DZIP1: variants seen among roughly 807,000 people sequenced by gnomAD.
The protein encoded by DZIP1 is cilium assembly protein DZIP1.
In DZIP1, 97 loss-of-function variants were observed where a neutral mutation model predicts 107.6. That is an observed-to-expected ratio of 0.90 (90% confidence interval 0.77 to 1.07). The LOEUF (loss-of-function observed/expected upper bound fraction) is 1.07. DZIP1 is among the 50% of genes least tolerant of loss of function. DZIP1 has a pLI of 0.00. For missense variants in DZIP1, 1,035 were observed against 1,063.6 expected (o/e 0.97, Z 0.37); for synonymous variants, 390 against 386.4 (o/e 1.01, Z -0.11).
At chr13:95,609,078 C>G (rs2044889070) in intron 13 of DZIP1, among the ~76,000 whole-genome samples, 1 of 152,226 alleles carries the variant, frequency 6.6e-6, no homozygotes, top group South Asian at 2.1e-4. Flanking sequence ...GGCCACCTGT[C>G]AAAGCCTGCA....
chr13:95,591,759 A>G (rs2044318684), intron 16 of DZIP1, among the ~76,000 whole-genome samples: 2 of 152,234 alleles, frequency 1.3e-5, no homozygotes, highest in Admixed American at 1.3e-4. Context: ...AATACTGTAC[A>G]AATGTCAATC....
At chr13:95,583,040 C>T (rs1360617207) in intron 22 of DZIP1, among the ~76,000 whole-genome samples, 6 of 151,998 alleles carry the variant, frequency 3.9e-5, no homozygotes, top group Admixed American at 6.6e-5. Context: ...GAAAAGGTAG[C>T]GTGAAGGAGA....
At chr13:95,635,485 C>G (rs912868202) in intron 5 of DZIP1, among the ~76,000 whole-genome samples, 2 of 152,136 alleles carry the variant, frequency 1.3e-5, no homozygotes, top group Non-Finnish European at 2.9e-5. Context: ...GTGTAACCCA[C>G]GGTGCCCAGT....
intron 5 of DZIP1, among the ~76,000 whole-genome samples, chr13:95,636,458 G>A (rs1029407956): frequency 6.0e-5 from 9 of 150,204 alleles, no homozygotes; most frequent in Admixed American, 2.0e-4. Flanking sequence ...CCGGAGAATC[G>A]CTTGAACCTG....
intron 10 of DZIP1, among the ~76,000 whole-genome samples, chr13:95,616,485 T>C (rs1409148060): frequency 1.3e-5 from 2 of 152,124 alleles, no homozygotes; most frequent in East Asian, 1.9e-4. Context: ...GAGAGCTAAA[T>C]AGACAGAGCC....
Position 95,631,806 on chromosome 13 carries a change from A to G in DZIP1, c.685+1428T>C, listed in dbSNP as rs146200953. Among the ~76,000 whole-genome samples the G allele has an allele frequency of 4.4e-3, 671 of 152,078 alleles. 7 individuals carry two copies. The highest frequency in any genetic ancestry group is 0.016 in the African/African-American group (643 of 41,464). On this transcript the variant is annotated intron_variant, in intron 6 of 22. Transcript: ENST00000376829. ...TTCCCAATAAGTGTTATTGAAACCA[A>G]TGTCTGGATACAGTAGGACCACTCC...
At chr13:95,586,242 A>G in intron 20 of DZIP1, 106 bp from the exon 21 acceptor site, 1 of 889,206 alleles carries the variant, frequency 1.1e-6, no homozygotes, top group South Asian at 2.3e-5. Context: ...AAGCTTTGGA[A>G]GTAATTATGT....
At position 95,600,621 on chromosome 13, in the gene DZIP1, T is replaced by TAGAC. The variant is rs1440542990; in HGVS notation, c.1478-1198_1478-1197insGTCT. 2.1e-3 allele frequency among the ~76,000 whole-genome samples: 212 copies of TAGAC among 101,012 alleles called. 2 individuals carry two copies. The highest frequency in any genetic ancestry group is 5.4e-3 in the African/African-American group (130 of 24,256). The allele number at this position is 101,012 out of a possible 152,430, so 66.3% of individuals were successfully genotyped here. On this transcript the variant is annotated intron_variant, in intron 14 of 22. Coordinates refer to ENST00000376829, the MANE Select transcript of DZIP1 (RefSeq NM_198968.4). ...ATAGATAGATAGATAGATAGATAGA[T>TAGAC]AGATAGATAGACAGACAGACAGACA...
In DZIP1 at chr13:95,578,859, A is replaced by G. The variant is rs2043975288; in HGVS notation, c.*3375T>C. The G allele has an allele frequency of 6.6e-6, 1 of 152,194 alleles. No homozygotes were observed. The highest frequency in any genetic ancestry group is 2.1e-4 in the South Asian group (1 of 4,832). 9.4% of individuals were successfully genotyped at this position (152,194 alleles called of 1,614,324 possible). A position where few individuals can be genotyped will look rare whatever the true frequency, so the allele number is the denominator to read the frequency against. On this transcript the variant is annotated 3_prime_UTR_variant, in exon 23 of 23. Coordinates refer to ENST00000376829, the MANE Select transcript of DZIP1 (RefSeq NM_198968.4). ...GACTGTAATTCATTATGACTGCTCC[A>G]GGAAGGGCTAATGGGGCCAATATAT...
intron 10 of DZIP1, among the ~76,000 whole-genome samples, chr13:95,614,018 C>T (rs558998976): frequency 1.7e-4 from 26 of 150,250 alleles, no homozygotes; most frequent in African/African-American, 6.4e-4. Flanking sequence ...CCTAGTTCCT[C>T]GGGAGGCTGA....
intron 21 of DZIP1, 117 bp from the exon 22 acceptor site, chr13:95,585,027 C>G (rs932638676): frequency 2.9e-6 from 2 of 699,932 alleles, no homozygotes; most frequent in Non-Finnish European, 2.2e-6. Flanking sequence ...AAGTGGGGAA[C>G]TATTAATACT....
intron 11 of DZIP1, 97 bp downstream of exon 11, chr13:95,611,940 C>G (rs2045021195): frequency 6.1e-6 from 9 of 1,476,740 alleles, no homozygotes; most frequent in Non-Finnish European, 8.1e-6. Flanking sequence ...TCTTCCTCAC[C>G]TTATACCACT....
At chr13:95,605,311 C>T (rs924835382) in intron 14 of DZIP1, among the ~76,000 whole-genome samples, 8 of 152,196 alleles carry the variant, frequency 5.3e-5, no homozygotes, top group Non-Finnish European at 1.0e-4. Context: ...CTTCTCCCGT[C>T]TTAATTCATT....
Position 95,641,827 on chromosome 13 carries a change from A to G in DZIP1, c.65T>C (p.Leu22Pro). ...GTCGGGCCCCTCTGGGCCGCTGGCG[A>G]GCGGGTAGTAGACATGCTTCTGGAA... is the stretch of plus-strand genomic sequence containing the variant. ...MPFQKHVYYP[L>P]ASGPEGPDVA... is the part of the protein sequence containing the mutation. Residue 22 changes from leucine to proline, a missense_variant, in exon 5 of 23, where the codon CTC (leucine) becomes CCC (proline). Coordinates refer to ENST00000376829, the MANE Select transcript of DZIP1 (RefSeq NM_198968.4). This position sits in a 1 kb window ranked among gnomAD's most constrained non-coding sequence, Gnocchi z 4.3. 2 of 1,428,562 alleles carry G rather than the reference A, an allele frequency of 1.4e-6. No individual in the cohort carries two copies. The allele number at this position is 1,428,562 out of a possible 1,614,324, so 88.5% of individuals were successfully genotyped here. A position where few individuals can be genotyped will look rare whatever the true frequency, so the allele number is the denominator to read the frequency against.
At chr13:95,612,690 T>C (rs941746279) in intron 10 of DZIP1, among the ~76,000 whole-genome samples, 3 of 152,062 alleles carry the variant, frequency 2.0e-5, no homozygotes, top group Non-Finnish European at 4.4e-5. Context: ...CTTCAAGCAA[T>C]TCTCCTGCCT....
intron 14 of DZIP1, among the ~76,000 whole-genome samples, chr13:95,601,905 T>G (rs1360639433): frequency 2.6e-5 from 4 of 152,152 alleles, no homozygotes; most frequent in Non-Finnish European, 2.9e-5. Flanking sequence ...GTCTGTCCAC[T>G]CTTTCTCCAG....
intron 5 of DZIP1, among the ~76,000 whole-genome samples, chr13:95,639,620 G>A (rs1878248247): frequency 6.8e-6 from 1 of 147,666 alleles, no homozygotes. Context: ...GAGAGAGAGA[G>A]AAAGAGAAAG....
At position 95,612,557 on chromosome 13, in the gene DZIP1, C is replaced by T. The variant is rs1188033029; in HGVS notation, c.1174-380G>A. ...CCTTCCGATGCCCACATGGGCCATCCTAGGCCAGAGAGCACATCTTAATGT... is the reference window on the plus strand; with the variant it reads ...CCTTCCGATGCCCACATGGGCCATCTTAGGCCAGAGAGCACATCTTAATGT... On this transcript the variant is annotated intron_variant, in intron 10 of 22. Transcript: ENST00000376829. Among the ~76,000 whole-genome samples the T allele has an allele frequency of 1.3e-5, 2 of 152,152 alleles. 1 individual carries two copies. Among genetic ancestry groups the T allele is most frequent in the Admixed American group, 1.3e-4 (2 of 15,276 alleles).
At chr13:95,629,892 C>T in intron 7 of DZIP1, 97 bp downstream of exon 7, 12 of 1,297,262 alleles carry the variant, frequency 9.3e-6, no homozygotes, top group Non-Finnish European at 1.1e-5. Flanking sequence ...GTCAAATTCA[C>T]AAACTCTTAA....
Sources: gnomAD v4.1 joint callset for allele counts (sites outside exome capture counted in the v4.1 genomes callset) on GRCh38, gnomAD v4.1.1 for gene constraint, Gnocchi (gnomAD v3.1) non-coding constraint, MANE v1.5 for transcripts, NCBI Gene and HGNC (gene_info 2026-07-23, HGNC 2026-07-21) for gene names.